The following DNAH17 variants were observed in gnomAD, a reference collection of about 807,000 sequenced individuals.
DNAH17 encodes the protein dynein axonemal heavy chain 17, also known as axonemal beta dynein heavy chain 17.
A neutral mutation model predicts 485.6 loss-of-function variants in DNAH17; 376 were observed. That is an observed-to-expected ratio of 0.77 (90% CI 0.71 to 0.84). The LOEUF (loss-of-function observed/expected upper bound fraction) is 0.84. Among genes scored for constraint, DNAH17 ranks in the 40% least tolerant of loss-of-function variants. DNAH17 has a pLI of 0.00. For synonymous variants in DNAH17, 3,031 were observed against 2,405.9 expected, an observed-to-expected ratio of 1.26 and a Z score of -7.60; for missense variants, 6,370 against 5,839.3, an observed-to-expected ratio of 1.09 and a Z score of -2.96.
intron 54 of DNAH17, among the ~76,000 whole-genome samples, chr17:78,469,172 C>T (rs1296276365): frequency 3.3e-5 from 5 of 152,210 alleles, no homozygotes; most frequent in East Asian, 1.9e-4. Flanking sequence ...GACTGAGTCT[C>T]GCTCTGTCAC....
intron 54 of DNAH17, among the ~76,000 whole-genome samples, chr17:78,470,176 G>A (rs1475948486): frequency 1.3e-5 from 2 of 148,620 alleles, no homozygotes. Flanking sequence ...CGGGTTCAAG[G>A]AGTTCTCCTG....
In DNAH17 at chr17:78,510,420, G is replaced by A. The variant is rs367883034; in HGVS notation, c.4200C>T (p.Ile1400=). 61 of 1,613,540 alleles carry A rather than the reference G, an allele frequency of 3.8e-5. No individual in the cohort carries two copies. The highest frequency in any genetic ancestry group is 3.4e-4 in the Middle Eastern group (2 of 5,930). Residue 1400 remains isoleucine, a synonymous_variant, in exon 27 of 81, where the codon ATC becomes ATT. Coordinates refer to ENST00000389840, the MANE Select transcript of DNAH17 (RefSeq NM_173628.4). ...LHSYEDEVRN[I]VDKAVKESGM... is the part of the protein sequence containing the mutation. ...CCGACTCCTTCACGGCCTTGTCCAC[G>A]ATGTTGCGGACCTCATCCTCGTAAC...
intron 71 of DNAH17, 122 bp from the exon 72 acceptor site, chr17:78,441,321 A>G (rs1255436108): frequency 4.5e-6 from 5 of 1,105,274 alleles, no homozygotes. Flanking sequence ...CAGCGGGACA[A>G]GGCCTGTGGC....
chr17:78,516,857 G>A (rs2090799345), intron 25 of DNAH17, among the ~76,000 whole-genome samples: 1 of 152,100 alleles, frequency 6.6e-6, no homozygotes, highest in Non-Finnish European at 1.5e-5. Context: ...TGTAGACTTG[G>A]TATGGTCAGC....
intron 72 of DNAH17, among the ~76,000 whole-genome samples, chr17:78,439,665 CTTTTTTTT>C (rs11399691): frequency 1.1e-5 from 1 of 92,236 alleles, no homozygotes; most frequent in Non-Finnish European, 2.0e-5. Context: ...CAGTACTTCA[CTTTTTTTT>C]TTTTTTTTTT....
At chr17:78,487,205 T>C (rs2089650290) in intron 44 of DNAH17, among the ~76,000 whole-genome samples, 1 of 152,280 alleles carries the variant, frequency 6.6e-6, no homozygotes. Context: ...AGCTCTACCA[T>C]GGCCAGCTGC....
At chr17:78,470,034 G>T (rs906087806) in intron 54 of DNAH17, among the ~76,000 whole-genome samples, 1 of 149,220 alleles carries the variant, frequency 6.7e-6, no homozygotes, top group East Asian at 2.0e-4. Flanking sequence ...TCATGCCACC[G>T]AACTAGATGT....
chr17:78,501,677 T>A, intron 34 of DNAH17, 65 bp downstream of exon 34: 1 of 1,572,870 alleles, frequency 6.4e-7, no homozygotes. Context: ...AGTCCCTGAA[T>A]GCACTGCCCT....
rs770422484 is a variant in DNAH17, at chr17:78,445,643, A to G, written c.11249T>C (p.Leu3750Pro). ...SMKKELNPVE[L>P]DFLLRFPFKA... Reference sequence around the variant, plus strand: ...AAAAGGGAACCGCAGGAGGAAATCCAGCTCCACTGGGTTCAGCTCCTTCTT... The same window carrying G: ...AAAAGGGAACCGCAGGAGGAAATCCGGCTCCACTGGGTTCAGCTCCTTCTT... The change falls in exon 70 of 81, where the codon CTG (leucine) becomes CCG (proline). Residue 3750 changes from leucine to proline, a missense_variant. Coordinates refer to ENST00000389840, the MANE Select transcript of DNAH17 (RefSeq NM_173628.4). The G allele has an allele frequency of 3.2e-6, 5 of 1,575,222 alleles. No individual in the cohort carries two copies. The highest frequency in any genetic ancestry group is 4.3e-6 in the Non-Finnish European group (5 of 1,160,478).
chr17:78,442,951 T>A (rs1389887827), intron 71 of DNAH17, among the ~76,000 whole-genome samples: 2 of 152,222 alleles, frequency 1.3e-5, no homozygotes, highest in African/African-American at 2.4e-5. Flanking sequence ...TCAATCTCCT[T>A]GCTTTTAAGC....
chr17:78,504,881 G>A (rs2090434129), intron 31 of DNAH17, among the ~76,000 whole-genome samples: 2 of 130,512 alleles, frequency 1.5e-5, no homozygotes, highest in Non-Finnish European at 3.2e-5. Context: ...AGGATTCAAT[G>A]ATATTAACAG....
intron 60 of DNAH17, 74 bp from the exon 61 acceptor site, chr17:78,459,282 GTCT>G: frequency 2.1e-6 from 3 of 1,427,546 alleles, no homozygotes; most frequent in Non-Finnish European, 3.0e-6. Flanking sequence ...GAAGCTGAGT[GTCT>G]TGCCCAGGGT....
At chr17:78,542,187 GC>G (rs1449789449) in intron 17 of DNAH17, among the ~76,000 whole-genome samples, 112 of 140,602 alleles carry the variant, frequency 8.0e-4, no homozygotes, top group Non-Finnish European at 1.3e-3. Context: ...CACTCTTGTC[GC>G]CCAGGCTGGA....
intron 19 of DNAH17, among the ~76,000 whole-genome samples, chr17:78,536,011 G>A (rs1269778968): frequency 6.6e-6 from 1 of 151,992 alleles, no homozygotes; most frequent in Non-Finnish European, 1.5e-5. Context: ...CATGACTTTT[G>A]TTGTCCTTCC....
At chr17:78,564,916 T>TA (rs2092236701) in intron 11 of DNAH17, among the ~76,000 whole-genome samples, 1 of 152,258 alleles carries the variant, frequency 6.6e-6, no homozygotes, top group Admixed American at 6.5e-5. Context: ...TAGATGCAGC[T>TA]ACCTGGGGAA....
intron 77 of DNAH17, 42 bp downstream of exon 77, chr17:78,428,483 C>T (rs2086558869): frequency 6.4e-7 from 1 of 1,555,230 alleles, no homozygotes; most frequent in African/African-American, 1.4e-5. Flanking sequence ...GTTCTAGATC[C>T]TCCCCCTTCC....
At position 78,541,545 on chromosome 17, in the gene DNAH17, G is replaced by A. The variant is rs73999112; in HGVS notation, c.2533-1665C>T. 2.2e-3 allele frequency among the ~76,000 whole-genome samples: 334 copies of A among 152,080 alleles called. 1 individual carries two copies. The highest frequency in any genetic ancestry group is 7.7e-3 in the African/African-American group (320 of 41,466). Reference sequence around the variant, plus strand: ...TTGGGCTCAAATAACTTCAGCATAAGATAAAAAGAAATGGCTCTAATGACT... The same window carrying A: ...TTGGGCTCAAATAACTTCAGCATAAAATAAAAAGAAATGGCTCTAATGACT... On this transcript the variant is annotated intron_variant, in intron 17 of 80. Coordinates refer to ENST00000389840, the MANE Select transcript of DNAH17 (RefSeq NM_173628.4).
rs765284154 is a variant in DNAH17, at chr17:78,571,585, C to T, written c.732+5G>A. 26 of 1,613,624 alleles carry T rather than the reference C, an allele frequency of 1.6e-5. No individual in the cohort carries two copies. In the East Asian group the frequency reaches 2.7e-4, roughly 17 times the overall value. On this transcript the variant is annotated splice_donor_5th_base_variant and intron_variant, in intron 4 of 80. Coordinates refer to ENST00000389840, the MANE Select transcript of DNAH17 (RefSeq NM_173628.4). ...TGCAGCCCCACAGGAGAGAGGAGGC[C>T]GTACCTGTTCATGGATGCACTTGAG...
chr17:78,461,460 T>C, intron 58 of DNAH17, 84 bp downstream of exon 58: 3 of 1,350,550 alleles, frequency 2.2e-6, no homozygotes, highest in Non-Finnish European at 2.9e-6. Context: ...CGCCTGTCGG[T>C]GGCACCTGAC....
Sources: gnomAD v4.1 joint callset for allele counts (sites outside exome capture counted in the v4.1 genomes callset) on GRCh38, gnomAD v4.1.1 for gene constraint, MANE v1.5 for transcripts, NCBI Gene and HGNC (gene_info 2026-07-23, HGNC 2026-07-21) for gene names.